The following BCL2L13 variants were observed in gnomAD, a reference collection of about 807,000 sequenced individuals.
BCL2L13 encodes the protein bcl-2-like protein 13.
BCL2L13 carries 13 observed loss-of-function variants against 25.8 expected under a neutral mutation model. The ratio of observed to expected loss-of-function variants is 0.50; its 90% confidence interval spans 0.33 to 0.80. BCL2L13 has a LOEUF of 0.80. Ranked by LOEUF, BCL2L13 falls within the 30% of genes least tolerant of loss-of-function variation. The pLI, the probability that BCL2L13 is intolerant of heterozygous loss-of-function variation, is 0.02. For missense variants in BCL2L13, 504 were observed against 574.9 expected (o/e 0.88, Z 1.26); for synonymous variants, 244 against 230.3 (o/e 1.06, Z -0.54).
Position 17,689,133 on chromosome 22 carries a change from T to C in BCL2L13, c.377T>C (p.Leu126Pro). The C allele has an allele frequency of 6.2e-7, 1 of 1,613,910 alleles. No individual in the cohort carries two copies. Among genetic ancestry groups the C allele is most frequent in the Non-Finnish European group, 8.5e-7 (1 of 1,179,922 alleles). The change falls in exon 4 of 7, where the codon CTC becomes CCC. Residue 126 changes from leucine to proline, a missense_variant. Physicochemically the swap from Leu to Pro is moderately conservative, Grantham distance 98. Transcript: ENST00000317582. ...KEPLHKALQM[L>P]LSQPVTYQAF... ...CCTCTCCATAAAGCATTGCAAATGC[T>C]CCTGAGCCAGTGAGTTACACTGCTG...
chr22:17,646,837 A>C (rs1380687778), intron 1 of BCL2L13, among the ~76,000 whole-genome samples: 1 of 134,776 alleles, frequency 7.4e-6, no homozygotes, highest in Non-Finnish European at 1.5e-5. Flanking sequence ...CTCCTGCCTC[A>C]GCCTCCAGAG....
intron 2 of BCL2L13, among the ~76,000 whole-genome samples, chr22:17,658,550 C>T (rs1043054022): frequency 5.9e-5 from 9 of 151,538 alleles, no homozygotes; most frequent in Non-Finnish European, 1.2e-4. Flanking sequence ...AAAAATTAGC[C>T]GGGCATGGTG....
At chr22:17,722,376 GGGGTGT>G (rs58546130) in intron 6 of BCL2L13, among the ~76,000 whole-genome samples, 11,698 of 67,822 alleles carry the variant, frequency 0.17, 941 homozygotes, top group African/African-American at 0.34. Context: ...TGAGACTACA[GGGGTGT>G]GTGTGTGTGT....
At chr22:17,684,673 C>T (rs1191280145) in intron 3 of BCL2L13, 1 of 452,016 alleles carries the variant, frequency 2.2e-6, no homozygotes, top group South Asian at 1.6e-5. Flanking sequence ...AAATGATTCT[C>T]CTGTCTCAGC....
At chr22:17,638,702 T>A (rs1601446110), upstream of BCL2L13, 2 of 1,231,658 alleles carry the variant, frequency 1.6e-6, no homozygotes, top group Non-Finnish European at 2.0e-6. Flanking sequence ...GGATGTCAGG[T>A]AGTTCAGGTC....
chr22:17,650,870 G>A (rs1367473353), intron 1 of BCL2L13, among the ~76,000 whole-genome samples: 1 of 151,540 alleles, frequency 6.6e-6, no homozygotes, highest in Non-Finnish European at 1.5e-5. Flanking sequence ...ACCATGCCCA[G>A]TTAATTTTAT....
At chr22:17,707,151 TC>T (rs370338678) in intron 6 of BCL2L13, among the ~76,000 whole-genome samples, 21 of 149,714 alleles carry the variant, frequency 1.4e-4, no homozygotes, top group African/African-American at 5.2e-4. Context: ...GCAGCTAAAA[TC>T]AATTTAGTAA....
At chr22:17,722,876 T>C (rs1414947394) in intron 6 of BCL2L13, among the ~76,000 whole-genome samples, 5 of 152,328 alleles carry the variant, frequency 3.3e-5, no homozygotes, top group African/African-American at 4.8e-5. Context: ...AATAATACTT[T>C]GTAGTTTTTT....
At chr22:17,642,329 T>C (rs530144420) in intron 1 of BCL2L13, among the ~76,000 whole-genome samples, 12 of 152,088 alleles carry the variant, frequency 7.9e-5, no homozygotes, top group African/African-American at 2.9e-4. Context: ...CAGCTAATTT[T>C]TGTATTTTTA....
chr22:17,714,224 T>C (rs902128755), intron 6 of BCL2L13, among the ~76,000 whole-genome samples: 2 of 148,950 alleles, frequency 1.3e-5, no homozygotes, highest in South Asian at 4.3e-4. Context: ...ACCCGGGAGG[T>C]GGAGCTTGGA....
chr22:17,671,383 G>T (rs1321113505), intron 2 of BCL2L13, among the ~76,000 whole-genome samples: 1 of 101,650 alleles, frequency 9.8e-6, no homozygotes, highest in African/African-American at 4.0e-5. Flanking sequence ...GACAGAGCGA[G>T]ACTCCATCTC....
chr22:17,724,938 C>T (rs570907940), intron 6 of BCL2L13, among the ~76,000 whole-genome samples: 5 of 152,324 alleles, frequency 3.3e-5, no homozygotes, highest in Non-Finnish European at 1.5e-5. Context: ...GTTAGTTATT[C>T]ATATGTCAGG....
At position 17,652,881 on chromosome 22, in the gene BCL2L13, G is replaced by A. The variant is rs893530732; in HGVS notation, c.-50-2781G>A. On this transcript the variant is annotated intron_variant, in intron 1 of 6. Transcript: ENST00000317582. Reference sequence around the variant, plus strand: ...AGATCGAGACCATCCTGGCTAACACGGTGAAACCCTGTCTCTACTAAAAAA... The same window carrying A: ...AGATCGAGACCATCCTGGCTAACACAGTGAAACCCTGTCTCTACTAAAAAA... Among the ~76,000 whole-genome samples the A allele has an allele frequency of 1.1e-4, 17 of 152,212 alleles. No homozygotes were observed. The East Asian group carries it at 2.1e-3, about 19-fold the overall frequency.
At chr22:17,630,460 A>C (rs557547195) in intron 1 of BCL2L13, among the ~76,000 whole-genome samples, 1 of 151,292 alleles carries the variant, frequency 6.6e-6, no homozygotes, top group Non-Finnish European at 1.5e-5. Context: ...TTGTATTTTT[A>C]GTAGAGATGA....
chr22:17,643,436 T>C (rs1011434485), intron 1 of BCL2L13, among the ~76,000 whole-genome samples: 2 of 151,756 alleles, frequency 1.3e-5, no homozygotes, highest in Non-Finnish European at 2.9e-5. Context: ...TATTTTACTC[T>C]CTTTCAGAGA....
chr22:17,698,527 G>A (rs903645885), intron 5 of BCL2L13, among the ~76,000 whole-genome samples: 5 of 136,540 alleles, frequency 3.7e-5, no homozygotes, highest in Admixed American at 8.4e-5. Context: ...TTGAGACCAG[G>A]CTGGGCAACA....
chr22:17,665,109 CT>C (rs1244145742), intron 2 of BCL2L13, among the ~76,000 whole-genome samples: 2 of 152,186 alleles, frequency 1.3e-5, no homozygotes, highest in African/African-American at 4.8e-5. Flanking sequence ...ATTTTTCAAA[CT>C]TTTATGCTTT....
intron 1 of BCL2L13, among the ~76,000 whole-genome samples, chr22:17,629,420 A>C (rs2057956665): frequency 6.7e-6 from 1 of 148,434 alleles, no homozygotes; most frequent in Admixed American, 6.7e-5. Flanking sequence ...GCAGCTACAT[A>C]ATTTATTTGG....
intron 1 of BCL2L13, among the ~76,000 whole-genome samples, chr22:17,641,066 A>G (rs2058263996): frequency 6.6e-6 from 1 of 151,542 alleles, no homozygotes; most frequent in South Asian, 2.1e-4. Context: ...AATTTTTTGT[A>G]TTTTTAGTAG....
Sources: gnomAD v4.1 joint callset for allele counts (sites outside exome capture counted in the v4.1 genomes callset) on GRCh38, gnomAD v4.1.1 for gene constraint, MANE v1.5 for transcripts, NCBI Gene and HGNC (gene_info 2026-07-23, HGNC 2026-07-21) for gene names.